TBCD: variants seen among roughly 807,000 people sequenced by gnomAD.
TBCD encodes tubulin-specific chaperone D.
TBCD carries 105 observed loss-of-function variants against 169.3 expected under a neutral mutation model. The ratio of observed to expected loss-of-function variants is 0.62; its 90% CI spans 0.53 to 0.73. The LOEUF (loss-of-function observed/expected upper bound fraction) is 0.73, where lower values mean the gene tolerates loss of function less well. Among genes scored for constraint, TBCD ranks in the 30% least tolerant of loss-of-function variants. The pLI is 0.00. For missense variants in TBCD, 1,444 were observed against 1,600.1 expected (o/e 0.90, Z 1.66); for synonymous variants, 700 against 643.9 (o/e 1.09, Z -1.32).
chr17:82,870,496 G>T, intron 14 of TBCD, 116 bp downstream of exon 14: 1 of 1,359,286 alleles, frequency 7.4e-7, no homozygotes, highest in Non-Finnish European at 9.8e-7. Context: ...AAATTACTTG[G>T]CCAGAGGATC....
rs2058997911 is a variant in TBCD, at chr17:82,889,705, T to A, written c.1563+8T>A. 6.2e-7 allele frequency: 1 copy of A among 1,613,434 alleles called. No individual in the cohort carries two copies. Among genetic ancestry groups the A allele is most frequent in the East Asian group, 2.2e-5 (1 of 44,880 alleles). On this transcript the variant is annotated splice_region_variant and intron_variant, in intron 16 of 38. Coordinates refer to ENST00000355528, the MANE Select transcript of TBCD (RefSeq NM_005993.5). The surrounding 1 kb of genome is among the most constrained non-coding windows in gnomAD (Gnocchi z 5.3). ...GAGAATGTGGGGAGACAGGTATGGC[T>A]GCTTTCAAACACCTTTATTCCAAAA...
intron 14 of TBCD, among the ~76,000 whole-genome samples, chr17:82,875,496 A>C (rs1324929550): frequency 6.6e-6 from 1 of 152,208 alleles, no homozygotes; most frequent in African/African-American, 2.4e-5. Context: ...TTTTGTAAGC[A>C]GCTCATGTTG....
intron 20 of TBCD, 98 bp from the exon 21 acceptor site, chr17:82,907,663 G>C: frequency 7.4e-7 from 1 of 1,356,558 alleles, no homozygotes; most frequent in South Asian, 1.2e-5. Context: ...TGTACTTGGG[G>C]TTAGGGTCTT....
intron 13 of TBCD, among the ~76,000 whole-genome samples, chr17:82,852,443 G>T (rs1464572562): frequency 2.0e-5 from 3 of 152,178 alleles, no homozygotes; most frequent in African/African-American, 7.2e-5. Flanking sequence ...TGGAGGCTGG[G>T]TGTCCAAGGT....
intron 13 of TBCD, among the ~76,000 whole-genome samples, chr17:82,847,367 A>G (rs1236239501): frequency 1.3e-5 from 2 of 150,144 alleles, no homozygotes; most frequent in African/African-American, 4.9e-5. Context: ...AAAAAAAAAA[A>G]AAAAAAAAAA....
In TBCD at chr17:82,823,696, T is replaced by A. The variant is rs553356801; in HGVS notation, c.1318+8762T>A. Among the ~76,000 whole-genome samples, 3 of 152,336 alleles carry A rather than the reference T, an allele frequency of 2.0e-5. No homozygotes were observed. The South Asian group carries it at 6.2e-4, about 32-fold the overall frequency. On this transcript the variant is annotated intron_variant, in intron 13 of 38. Transcript: ENST00000355528. ...TTATTTTTTTTCAGCTTTATTGATA[T>A]GTAATTCGTCTACCATATAATTCAC...
rs2050461385 is a variant in TBCD at position 82,800,856 on chromosome 17, GT to G, written c.818-5del. On this transcript the variant is annotated splice_region_variant and splice_polypyrimidine_tract_variant and intron_variant, in intron 8 of 38. Transcript: ENST00000355528. ...CCTTCCTGCGCTGAGTCCAGTTCTT[GT>G]TTGCAGCTGCCACTGTCCTCAGGTG... The G allele has an allele frequency of 6.2e-7, 1 of 1,611,616 alleles. No individual in the cohort carries two copies. Among genetic ancestry groups the G allele is most frequent in the African/African-American group, 1.3e-5 (1 of 74,812 alleles).
At chr17:82,804,136 G>C (rs2050780781) in intron 9 of TBCD, among the ~76,000 whole-genome samples, 1 of 150,762 alleles carries the variant, frequency 6.6e-6, no homozygotes, top group Non-Finnish European at 1.5e-5. Flanking sequence ...TGGGGGCTGG[G>C]GTGTGCCTGC....
chr17:82,885,192 C>T (rs1006373502), intron 15 of TBCD, among the ~76,000 whole-genome samples: 5 of 151,338 alleles, frequency 3.3e-5, no homozygotes, highest in Non-Finnish European at 5.9e-5. Flanking sequence ...AGTGTGTGGC[C>T]CCTGGTGAGT....
intron 5 of TBCD, among the ~76,000 whole-genome samples, chr17:82,771,447 C>A (rs2048310226): frequency 6.7e-6 from 1 of 150,136 alleles, no homozygotes; most frequent in South Asian, 2.1e-4. Context: ...GAGATGGAGT[C>A]TTGCCCTGTC....
At chr17:82,844,285 G>A (rs1409815647) in intron 13 of TBCD, among the ~76,000 whole-genome samples, 5 of 147,138 alleles carry the variant, frequency 3.4e-5, no homozygotes, top group African/African-American at 7.6e-5. Flanking sequence ...CTTGAACTCC[G>A]GGTCTCAAGT....
intron 23 of TBCD, 62 bp downstream of exon 23, chr17:82,911,851 T>C (rs2060666922): frequency 6.3e-7 from 1 of 1,592,766 alleles, no homozygotes; most frequent in Non-Finnish European, 8.6e-7. Context: ...TTGAGGGAGG[T>C]GTGCTCGTGG....
chr17:82,924,023 G>A (rs1243396427), intron 26 of TBCD, among the ~76,000 whole-genome samples: 1 of 152,142 alleles, frequency 6.6e-6, no homozygotes. Flanking sequence ...GGCGTGATTC[G>A]GCTCACTGCA....
At position 82,937,172 on chromosome 17, in the gene TBCD, C is replaced by T. The variant is rs1219223767; in HGVS notation, c.3192-99C>T. Reference sequence around the variant, plus strand: ...GGGCTGCAGGCTTCTTGGACTGAGCCACTGGGAGGACGGAGTTGACCTTCT... The same window carrying T: ...GGGCTGCAGGCTTCTTGGACTGAGCTACTGGGAGGACGGAGTTGACCTTCT... On this transcript the variant is annotated intron_variant, in intron 34 of 38. Coordinates refer to ENST00000355528, the MANE Select transcript of TBCD (RefSeq NM_005993.5). 98 of 1,081,716 alleles carry T rather than the reference C, an allele frequency of 9.1e-5. 1 individual carries two copies. The allele number at this position is 1,081,716 out of a possible 1,614,324, so 67.0% of individuals were successfully genotyped here. A position where few individuals can be genotyped will look rare whatever the true frequency, so the allele number is the denominator to read the frequency against.
intron 13 of TBCD, among the ~76,000 whole-genome samples, chr17:82,848,884 CTCT>C: frequency 1.1e-5 from 1 of 88,442 alleles, no homozygotes. Context: ...CGATGTCCCC[CTCT>C]GCCTGCTGCG....
chr17:82,809,366 C>T (rs10445241), intron 11 of TBCD, among the ~76,000 whole-genome samples: 54,627 of 151,954 alleles, frequency 0.36, 10,101 homozygotes, highest in Middle Eastern at 0.41. Context: ...AGCCCGGCTC[C>T]AGTAGGGAGG....
intron 36 of TBCD, among the ~76,000 whole-genome samples, chr17:82,938,792 T>A (rs1310462294): frequency 1.5e-5 from 2 of 133,332 alleles, no homozygotes; most frequent in East Asian, 4.9e-4. Flanking sequence ...CGAGATTGCT[T>A]CCCTGATGAA....
At chr17:82,778,739 T>C (rs1383841478) in intron 6 of TBCD, among the ~76,000 whole-genome samples, 1 of 90 alleles carries the variant, frequency 0.011, no homozygotes, top group Non-Finnish European at 0.029. Context: ...TCAGCTCCAC[T>C]GAACCTCTGC....
At chr17:82,767,847 C>T (rs1475778385) in intron 4 of TBCD, among the ~76,000 whole-genome samples, 1 of 151,936 alleles carries the variant, frequency 6.6e-6, no homozygotes, top group African/African-American at 2.4e-5. Context: ...CCCAGCTACT[C>T]AGAAGGCTGA....
Sources: gnomAD v4.1 joint callset for allele counts (sites outside exome capture counted in the v4.1 genomes callset) on GRCh38, gnomAD v4.1.1 for gene constraint, Gnocchi (gnomAD v3.1) non-coding constraint, MANE v1.5 for transcripts, NCBI Gene and HGNC (gene_info 2026-07-23, HGNC 2026-07-21) for gene names.